Variants in ITGA9 observed in about 807,000 individuals in gnomAD.
ITGA9 encodes the protein integrin subunit alpha 9.
Under a neutral mutation model 127.8 loss-of-function variants are expected in ITGA9, and 56 were observed. The observed-to-expected ratio is 0.44, with a 90% confidence interval of 0.35 to 0.55. ITGA9 has a LOEUF of 0.55. ITGA9 is among the 20% of genes least tolerant of loss of function. ITGA9 has a pLI of 0.00. For missense variants in ITGA9, 1,196 were observed against 1,347.1 expected, an observed-to-expected ratio of 0.89 and a Z score of 1.76; for synonymous variants, 508 against 514.5, an observed-to-expected ratio of 0.99 and a Z score of 0.17.
chr3:37,767,787 C>A lies in ITGA9; in HGVS notation c.2542-9605C>A, dbSNP rs138113222. Among the ~76,000 whole-genome samples the A allele has an allele frequency of 3.3e-5, 5 of 152,250 alleles. No homozygotes were observed. The East Asian group carries it at 9.7e-4, about 29-fold the overall frequency. On this transcript the variant is annotated intron_variant, in intron 23 of 27. Coordinates refer to ENST00000264741, the MANE Select transcript of ITGA9 (RefSeq NM_002207.3). Reference sequence around the variant, plus strand: ...AATCCAAATTTGGTGCACTAATGAACACGGGGTCTCTTTTCACAAAGCAAA... The same window carrying A: ...AATCCAAATTTGGTGCACTAATGAAAACGGGGTCTCTTTTCACAAAGCAAA...
At chr3:37,750,286 T>G (rs1030239953) in intron 22 of ITGA9, among the ~76,000 whole-genome samples, 176 bp from the exon 23 acceptor site, 1 of 152,264 alleles carries the variant, frequency 6.6e-6, no homozygotes, top group African/African-American at 2.4e-5. Flanking sequence ...GTTTCTATTT[T>G]GTTGAAATTT....
intron 15 of ITGA9, among the ~76,000 whole-genome samples, chr3:37,570,139 C>G (rs1032417063): frequency 1.3e-5 from 2 of 152,268 alleles, no homozygotes; most frequent in African/African-American, 2.4e-5. Flanking sequence ...GGCATTTCTG[C>G]CCGGGGTTTG....
chr3:37,633,755 A>G (rs1302189524), intron 16 of ITGA9, among the ~76,000 whole-genome samples: 1 of 152,186 alleles, frequency 6.6e-6, no homozygotes, highest in Non-Finnish European at 1.5e-5. Context: ...TGTTCTGTAG[A>G]AAGCTATCAG....
At chr3:37,564,034 G>A in intron 15 of ITGA9, among the ~76,000 whole-genome samples, 1 of 152,160 alleles carries the variant, frequency 6.6e-6, no homozygotes, top group East Asian at 1.9e-4. Context: ...AATTAATTTT[G>A]GAACATAATT....
chr3:37,737,210 C>A (rs1696374055), intron 20 of ITGA9, among the ~76,000 whole-genome samples: 1 of 152,190 alleles, frequency 6.6e-6, no homozygotes. Flanking sequence ...AGGAACTGGG[C>A]ATCAGCCACT....
chr3:37,513,345 T>C (rs1698952257), intron 8 of ITGA9, among the ~76,000 whole-genome samples: 1 of 152,316 alleles, frequency 6.6e-6, no homozygotes, highest in Non-Finnish European at 1.5e-5. Context: ...GCCTTGCTGC[T>C]GGAAGTTGGG....
At position 37,629,169 on chromosome 3, in the gene ITGA9, AT is replaced by A. The variant is rs1700205263; in HGVS notation, c.1690-15del. On this transcript the variant is annotated splice_polypyrimidine_tract_variant and intron_variant, in intron 15 of 27. Coordinates refer to ENST00000264741, the MANE Select transcript of ITGA9 (RefSeq NM_002207.3). The surrounding 1 kb of genome is among the most constrained non-coding windows in gnomAD (Gnocchi z 4.5). ...GCCAGGATTAGTAGTTAATGCACGT[AT>A]TTGTTTATTGTTTCAGCGGAGGGTG... is the stretch of plus-strand genomic sequence containing the variant. 6.2e-7 allele frequency: 1 copy of A among 1,612,030 alleles called. No homozygotes were observed. Among genetic ancestry groups the A allele is most frequent in the Admixed American group, 1.7e-5 (1 of 59,990 alleles).
At chr3:37,634,327 AC>A (rs1369476795) in intron 16 of ITGA9, among the ~76,000 whole-genome samples, 27 of 151,830 alleles carry the variant, frequency 1.8e-4, no homozygotes, top group African/African-American at 6.0e-4. Context: ...AAAAAAAAAA[AC>A]AAAAAACAAG....
chr3:37,518,982 A>T (rs1699016310), intron 10 of ITGA9, among the ~76,000 whole-genome samples: 1 of 150,756 alleles, frequency 6.6e-6, no homozygotes, highest in Non-Finnish European at 1.5e-5. Flanking sequence ...CTGGGGTTTC[A>T]CTATGTTGGC....
chr3:37,698,449 C>G (rs1396282954), intron 18 of ITGA9, among the ~76,000 whole-genome samples: 1 of 152,140 alleles, frequency 6.6e-6, no homozygotes, highest in African/African-American at 2.4e-5. Context: ...AGGTTTTCTT[C>G]TAGGGTTTTT....
intron 18 of ITGA9, among the ~76,000 whole-genome samples, chr3:37,697,695 A>G (rs922130397): frequency 6.6e-6 from 1 of 152,130 alleles, no homozygotes; most frequent in African/African-American, 2.4e-5. Context: ...ATAGTATTCC[A>G]TGGTGTATAT....
chr3:37,604,263 A>G (rs1477190137), intron 15 of ITGA9, among the ~76,000 whole-genome samples: 1 of 152,214 alleles, frequency 6.6e-6, no homozygotes, highest in Non-Finnish European at 1.5e-5. Flanking sequence ...CATGAGGCTT[A>G]GAGAGATGCT....
At chr3:37,481,823 C>T (rs983610628) in intron 4 of ITGA9, among the ~76,000 whole-genome samples, 1 of 152,216 alleles carries the variant, frequency 6.6e-6, no homozygotes, top group African/African-American at 2.4e-5. Flanking sequence ...CCTTTCCAAC[C>T]CTCACCTGAC....
At chr3:37,619,829 G>A (rs1458883363) in intron 15 of ITGA9, among the ~76,000 whole-genome samples, 1 of 152,146 alleles carries the variant, frequency 6.6e-6, no homozygotes, top group Non-Finnish European at 1.5e-5. Context: ...GCTTCTTCAA[G>A]ACTAGCAGAA....
intron 25 of ITGA9, among the ~76,000 whole-genome samples, chr3:37,783,644 A>ATTG (rs1183366495): frequency 4.6e-5 from 7 of 152,266 alleles, no homozygotes; most frequent in Non-Finnish European, 7.4e-5. Context: ...GCCCAAGATT[A>ATTG]TTATTATTAT....
At chr3:37,737,299 C>G (rs1355665653) in intron 20 of ITGA9, among the ~76,000 whole-genome samples, 1 of 152,204 alleles carries the variant, frequency 6.6e-6, no homozygotes, top group African/African-American at 2.4e-5. Flanking sequence ...TCCCACTTGG[C>G]TGTGTATTTC....
chr3:37,481,530 T>G lies in ITGA9; in HGVS notation c.467T>G (p.Ile156Ser), dbSNP rs1211196542. The G allele has an allele frequency of 6.2e-7, 1 of 1,614,014 alleles. No individual in the cohort carries two copies. The highest frequency in any genetic ancestry group is 1.3e-5 in the African/African-American group (1 of 74,916). Reference sequence around the variant, plus strand: ...AACATCTACTATGAAGCCGACCACATCCTACCCCATGGCTTCTGCTACATC... The same window carrying G: ...AACATCTACTATGAAGCCGACCACAGCCTACCCCATGGCTTCTGCTACATC... Reference protein sequence around the residue: ...WKNIYYEADHILPHGFCYIIP... With the variant: ...WKNIYYEADHSLPHGFCYIIP... The change falls in exon 4 of 28, where the codon ATC becomes AGC. Residue 156 changes from isoleucine to serine, a missense_variant. Transcript: ENST00000264741.
At chr3:37,498,024 A>G (rs1029554410) in intron 5 of ITGA9, among the ~76,000 whole-genome samples, 7 of 152,166 alleles carry the variant, frequency 4.6e-5, no homozygotes, top group African/African-American at 1.7e-4. Flanking sequence ...TATGAAGGAA[A>G]TGTCAAGGGG....
At chr3:37,472,123 A>C (rs1177165746) in intron 2 of ITGA9, among the ~76,000 whole-genome samples, 1 of 152,228 alleles carries the variant, frequency 6.6e-6, no homozygotes, top group Non-Finnish European at 1.5e-5. Context: ...CTTTGGAATC[A>C]GATGGTTCTG....
Sources: gnomAD v4.1 joint callset for allele counts (sites outside exome capture counted in the v4.1 genomes callset) on GRCh38, gnomAD v4.1.1 for gene constraint, Gnocchi (gnomAD v3.1) non-coding constraint, MANE v1.5 for transcripts, NCBI Gene and HGNC (gene_info 2026-07-23, HGNC 2026-07-21) for gene names.